The following NOL4 variants were observed in gnomAD, a reference collection of about 807,000 sequenced individuals.
The protein encoded by NOL4 is cancer/testis antigen 125.
A neutral mutation model predicts 75.9 loss-of-function variants in NOL4; 17 were observed. The ratio of observed to expected loss-of-function variants is 0.22; its 90% CI spans 0.15 to 0.34. The LOEUF is 0.34. Among genes scored for constraint, NOL4 ranks in the 10% least tolerant of loss-of-function variants. The pLI, the probability that NOL4 is intolerant of heterozygous loss-of-function variation, is 1.00. For missense variants in NOL4, 614 were observed against 793.5 expected, an observed-to-expected ratio of 0.77 and a Z score of 2.72; for synonymous variants, 292 against 289.9, an observed-to-expected ratio of 1.01 and a Z score of -0.07.
chr18:34,032,909 C>T (rs1320029341), intron 5 of NOL4, among the ~76,000 whole-genome samples: 1 of 152,120 alleles, frequency 6.6e-6, no homozygotes. Context: ...ATAACAATTG[C>T]ACCCTAAGCC....
intron 1 of NOL4, among the ~76,000 whole-genome samples, chr18:34,185,631 A>G (rs982396588): frequency 3.9e-5 from 6 of 152,114 alleles, no homozygotes; most frequent in African/African-American, 1.2e-4. Context: ...ACTCTTTTCA[A>G]TTGTGTTCCA....
chr18:34,150,583 C>T (rs2081598741), intron 1 of NOL4, among the ~76,000 whole-genome samples: 2 of 151,530 alleles, frequency 1.3e-5, no homozygotes, highest in Non-Finnish European at 3.0e-5. Context: ...AAAAAGAAAA[C>T]TGAAAATGAA....
At chr18:34,061,438 G>A (rs116662583) in intron 5 of NOL4, among the ~76,000 whole-genome samples, 1 of 152,078 alleles carries the variant, frequency 6.6e-6, no homozygotes, top group East Asian at 1.9e-4. Flanking sequence ...TATAAGTTGA[G>A]ACAGTTTCAG....
intron 5 of NOL4, among the ~76,000 whole-genome samples, chr18:34,036,288 T>C (rs767172465): frequency 6.6e-6 from 1 of 152,050 alleles, no homozygotes; most frequent in Non-Finnish European, 1.5e-5. Context: ...TCAGATGAGA[T>C]TTATACCAGG....
At chr18:34,019,175 G>C in intron 6 of NOL4, 143 bp downstream of exon 6, 1 of 661,014 alleles carries the variant, frequency 1.5e-6, no homozygotes, top group East Asian at 2.7e-5. Context: ...CAATATGCTT[G>C]GTGATAAGTT....
intron 5 of NOL4, among the ~76,000 whole-genome samples, chr18:34,075,251 T>C (rs2077694051): frequency 6.6e-6 from 1 of 152,204 alleles, no homozygotes; most frequent in Non-Finnish European, 1.5e-5. Context: ...ATGTTTCATA[T>C]ACACCTTGTA....
At chr18:33,865,202 G>A (rs1202738493) in intron 10 of NOL4, among the ~76,000 whole-genome samples, 1 of 151,844 alleles carries the variant, frequency 6.6e-6, no homozygotes, top group Non-Finnish European at 1.5e-5. Flanking sequence ...GTATCCTTAG[G>A]GACTTGGGTC....
At chr18:34,053,586 C>A (rs2076713852) in intron 5 of NOL4, among the ~76,000 whole-genome samples, 1 of 151,916 alleles carries the variant, frequency 6.6e-6, no homozygotes, top group African/African-American at 2.4e-5. Flanking sequence ...GATAACATTC[C>A]TAAGACCCTC....
intron 5 of NOL4, among the ~76,000 whole-genome samples, chr18:34,058,767 T>C (rs1453296828): frequency 2.0e-5 from 3 of 152,234 alleles, no homozygotes; most frequent in East Asian, 3.9e-4. Context: ...AATATGAATA[T>C]ACATATTGCA....
chr18:33,924,569 G>GTACATAAGGTAC (rs1386238517), intron 9 of NOL4, among the ~76,000 whole-genome samples: 1 of 152,036 alleles, frequency 6.6e-6, no homozygotes, highest in African/African-American at 2.4e-5. Flanking sequence ...GTTACATATG[G>GTACATAAGGTAC]ATATTTATTA....
chr18:34,091,812 A>G (rs1208048389), intron 5 of NOL4, among the ~76,000 whole-genome samples: 3 of 152,218 alleles, frequency 2.0e-5, no homozygotes, highest in African/African-American at 7.2e-5. Context: ...TCTTACATGT[A>G]AGGCAAGGAA....
chr18:34,012,482 T>C (rs995876289), intron 6 of NOL4, among the ~76,000 whole-genome samples: 3 of 151,888 alleles, frequency 2.0e-5, no homozygotes, highest in Non-Finnish European at 4.4e-5. Context: ...TCTTTAAGTA[T>C]GGAATATACT....
At chr18:34,215,031 G>A (rs1033650649) in intron 1 of NOL4, among the ~76,000 whole-genome samples, 2 of 152,140 alleles carry the variant, frequency 1.3e-5, no homozygotes, top group Non-Finnish European at 2.9e-5. Flanking sequence ...AAGGGGAACT[G>A]TTGTATAATA....
intron 6 of NOL4, among the ~76,000 whole-genome samples, chr18:33,971,770 TA>T (rs1330045465): frequency 6.6e-6 from 1 of 151,996 alleles, no homozygotes; most frequent in Non-Finnish European, 1.5e-5. Context: ...TTTATATAAA[TA>T]TTTTTTTTTC....
intron 6 of NOL4, among the ~76,000 whole-genome samples, chr18:33,973,639 A>G (rs2071254971): frequency 6.6e-6 from 1 of 152,234 alleles, no homozygotes; most frequent in South Asian, 2.1e-4. Flanking sequence ...CAGCTGCAAA[A>G]TGGATGTTGG....
intron 6 of NOL4, among the ~76,000 whole-genome samples, chr18:33,961,141 ATGATATTAATATATC>A (rs2070088932): frequency 6.6e-6 from 1 of 152,028 alleles, no homozygotes; most frequent in Non-Finnish European, 1.5e-5. Context: ...ATAATAATAA[ATGATATTAATATATC>A]TGACAGTTAG....
chr18:33,933,679 C>T (rs902487434), intron 9 of NOL4, among the ~76,000 whole-genome samples: 1 of 152,158 alleles, frequency 6.6e-6, no homozygotes, highest in Admixed American at 6.6e-5. Flanking sequence ...GAAGATTTAT[C>T]GTGAGATTGC....
chr18:33,864,269 G>C (rs1363320330), intron 10 of NOL4, among the ~76,000 whole-genome samples: 1 of 152,142 alleles, frequency 6.6e-6, no homozygotes, highest in Non-Finnish European at 1.5e-5. Flanking sequence ...TAGCTGGCTT[G>C]AATTTCTCCC....
At chr18:34,110,925 T>A (rs1234090470) in intron 2 of NOL4, among the ~76,000 whole-genome samples, 2 of 152,046 alleles carry the variant, frequency 1.3e-5, no homozygotes, top group African/African-American at 4.8e-5. Flanking sequence ...CAATGTCATT[T>A]AAAATAGCAT....
Sources: gnomAD v4.1 joint callset for allele counts (sites outside exome capture counted in the v4.1 genomes callset) on GRCh38, gnomAD v4.1.1 for gene constraint, MANE v1.5 for transcripts, NCBI Gene and HGNC (gene_info 2026-07-23, HGNC 2026-07-21) for gene names.